The following SVIL variants were observed in gnomAD, a reference collection of about 807,000 sequenced individuals.
SVIL encodes the protein archvillin.
In SVIL, 101 loss-of-function variants were observed where a neutral mutation model predicts 240.4. That is an observed-to-expected ratio of 0.42 (90% confidence interval 0.36 to 0.50). The LOEUF (loss-of-function observed/expected upper bound fraction) is 0.50. Ranked by LOEUF, SVIL falls within the 20% of genes least tolerant of loss-of-function variation. SVIL has a pLI of 0.01. For synonymous variants in SVIL, 999 were observed against 1,100.0 expected, an observed-to-expected ratio of 0.91 and a Z score of 1.82; for missense variants, 2,512 against 2,818.7, an observed-to-expected ratio of 0.89 and a Z score of 2.46.
At chr10:29,642,448 A>C (rs1187454323) in intron 3 of SVIL, among the ~76,000 whole-genome samples, 1 of 124,930 alleles carries the variant, frequency 8.0e-6, no homozygotes, top group Non-Finnish European at 1.6e-5. Context: ...AGAAAGAAAG[A>C]AAGAAAGAAA....
chr10:29,690,394 C>CT lies in SVIL; in HGVS notation c.-399-3744dup, dbSNP rs552046032. Among the ~76,000 whole-genome samples, 718 of 151,902 alleles carry CT rather than the reference C, an allele frequency of 4.7e-3. 9 individuals are homozygous for CT. The highest frequency in any genetic ancestry group is 0.016 in the African/African-American group (670 of 41,432). On this transcript the variant is annotated intron_variant, in intron 1 of 35. Transcript: ENST00000375400. ...TTTAAGTGGATTGACCTTAAATGGC[C>CT]TTTTTTCTGGTTCTCATTATCCTTG...
intron 1 of SVIL, among the ~76,000 whole-genome samples, chr10:29,605,747 A>T (rs965786162): frequency 1.4e-5 from 2 of 147,576 alleles, no homozygotes; most frequent in African/African-American, 4.9e-5. Flanking sequence ...CATAATATAT[A>T]TTTTATATAA....
At chr10:29,536,823 G>T (rs1354503492) in intron 6 of SVIL, among the ~76,000 whole-genome samples, 3 of 150,094 alleles carry the variant, frequency 2.0e-5, no homozygotes, top group African/African-American at 7.4e-5. Flanking sequence ...AGGCAGGAGA[G>T]TTGCTGGAAC....
intron 1 of SVIL, among the ~76,000 whole-genome samples, chr10:29,705,281 T>G (rs1962807003): frequency 6.6e-6 from 1 of 151,984 alleles, no homozygotes; most frequent in South Asian, 2.1e-4. Context: ...GAATAATGGA[T>G]CCCCAAAAGA....
intron 18 of SVIL, among the ~76,000 whole-genome samples, chr10:29,495,640 C>T (rs6481606): frequency 0.54 from 81,775 of 152,046 alleles, 23,113 homozygotes; most frequent in African/African-American, 0.7. Flanking sequence ...GGACATGACA[C>T]AGACAGTAAC....
At position 29,465,695 on chromosome 10, in the gene SVIL, C is replaced by T. The variant is rs1944830815; in HGVS notation, c.6033G>A (p.Gly2011=). 6.2e-7 allele frequency: 1 copy of T among 1,613,262 alleles called. No homozygotes were observed. Among genetic ancestry groups the T allele is most frequent in the Non-Finnish European group, 8.5e-7 (1 of 1,179,968 alleles). The change falls in exon 34 of 38, where the codon GGG becomes GGA. Residue 2011 remains glycine, a synonymous_variant. Transcript: ENST00000355867. ...ACACAAACTCTGTGGCTGCAAAATC[C>T]CCAGAGGAGCTGCTGAGGATGAACA... ...PRLFILSSSS[G]DFAATEFVYP...
intron 1 of SVIL, among the ~76,000 whole-genome samples, chr10:29,729,453 GTGTGTGTGTGTGTGTGTGTGTGT>G (rs1964477332): frequency 5.0e-5 from 1 of 20,064 alleles, no homozygotes; most frequent in African/African-American, 7.3e-5. Context: ...TTATGGAGGT[GTGTGTGTGTGTGTGTGTGTGTGT>G]GTGTGTGTGT....
intron 2 of SVIL, among the ~76,000 whole-genome samples, chr10:29,676,377 A>AGTGTGTGT (rs112042524): frequency 3.2e-4 from 48 of 151,344 alleles, no homozygotes; most frequent in African/African-American, 1.1e-3. Context: ...GAAAAAAAAG[A>AGTGTGTGT]GTGTGTGTGT....
rs536660987 is a variant in SVIL, at chr10:29,469,848, C to A, written c.5843+428G>T. 1.0e-3 allele frequency among the ~76,000 whole-genome samples: 157 copies of A among 152,220 alleles called. 1 individual carries two copies. Among genetic ancestry groups the A allele is most frequent in the Middle Eastern group, 3.2e-3 (1 of 316 alleles). On this transcript the variant is annotated intron_variant, in intron 32 of 37. Coordinates refer to ENST00000355867, the MANE Select transcript of SVIL (RefSeq NM_021738.3). ...ATGGGGGATATCTTATCGTCTGACA[C>A]AGATGGCGGTTTCCCACACTCTTCT...
At chr10:29,566,600 A>G (rs12767247) in intron 2 of SVIL, among the ~76,000 whole-genome samples, 10,085 of 152,290 alleles carry the variant, frequency 0.066, 391 homozygotes, top group Admixed American at 0.12. Flanking sequence ...CCGATCATCA[A>G]TGAAAACACA....
chr10:29,478,798 G>A (rs1946489781), intron 29 of SVIL, among the ~76,000 whole-genome samples: 1 of 151,546 alleles, frequency 6.6e-6, no homozygotes, highest in Non-Finnish European at 1.5e-5. Flanking sequence ...GGTGGCATAT[G>A]CCTGTAGTCC....
intron 2 of SVIL, among the ~76,000 whole-genome samples, chr10:29,676,581 G>C (rs759674845): frequency 1.7e-4 from 26 of 152,146 alleles, no homozygotes; most frequent in African/African-American, 5.8e-4. Context: ...CTTGTCAAAG[G>C]TAAGTACAAA....
chr10:29,533,078 T>C lies in SVIL; in HGVS notation c.1289A>G (p.Glu430Gly). ...TTCTTCTCCTTCTCCTTCCCCTTCT[T>C]CTTCTTCTGCTTTTGACTCGCAGAC... ...LHVCESKAEE[E>G]EGEGEGEEKE... The change falls in exon 8 of 38, where the codon GAA (glutamate) becomes GGA (glycine). Residue 430 changes from glutamate (E) to glycine (G), a missense_variant. By Grantham distance (98) the Glu-to-Gly change is moderately conservative (BLOSUM62 -2). This residue lies in a region of SVIL where 1,443 missense variants were observed against 1,486.6 expected (regional missense o/e 0.97). Coordinates refer to ENST00000355867, the MANE Select transcript of SVIL (RefSeq NM_021738.3). 1.2e-6 allele frequency: 2 copies of C among 1,613,924 alleles called. No homozygotes were observed. Among genetic ancestry groups the C allele is most frequent in the Non-Finnish European group, 1.7e-6 (2 of 1,179,884 alleles).
At chr10:29,618,874 C>A (rs1216352714) in intron 1 of SVIL, among the ~76,000 whole-genome samples, 2 of 152,140 alleles carry the variant, frequency 1.3e-5, no homozygotes, top group South Asian at 4.1e-4. Context: ...GCATAGGCCA[C>A]CGTAGACAGC....
intron 1 of SVIL, among the ~76,000 whole-genome samples, chr10:29,690,558 A>G (rs1035590128): frequency 3.3e-5 from 5 of 152,150 alleles, no homozygotes; most frequent in African/African-American, 4.8e-5. Flanking sequence ...CAATACTAGA[A>G]GGCCCTATGT....
At chr10:29,550,499 C>A in intron 6 of SVIL, 98 bp downstream of exon 6, 1 of 1,301,978 alleles carries the variant, frequency 7.7e-7, no homozygotes, top group East Asian at 2.5e-5. Flanking sequence ...GCCTTGACTT[C>A]CACATAATGC....
chr10:29,620,567 G>A (rs1210219450), intron 1 of SVIL, among the ~76,000 whole-genome samples: 2 of 152,226 alleles, frequency 1.3e-5, no homozygotes, highest in Non-Finnish European at 2.9e-5. Context: ...AATTCAACTT[G>A]TGTATTCATC....
intron 1 of SVIL, among the ~76,000 whole-genome samples, chr10:29,715,335 T>C (rs1212780949): frequency 6.6e-6 from 1 of 152,228 alleles, no homozygotes; most frequent in African/African-American, 2.4e-5. Flanking sequence ...TTAATTGAGA[T>C]GGATTTTTGA....
intron 3 of SVIL, among the ~76,000 whole-genome samples, chr10:29,647,503 G>A (rs140205184): frequency 2.2e-3 from 328 of 152,200 alleles, no homozygotes; most frequent in Admixed American, 3.5e-3. Context: ...AAACGTATCC[G>A]AATGAAAGTG....
Sources: allele counts gnomAD v4.1 joint callset (sites outside exome capture counted in the v4.1 genomes callset), GRCh38; gene constraint gnomAD v4.1.1; regional missense constraint gnomAD v4.1.1; transcripts MANE v1.5; gene names NCBI Gene and HGNC (gene_info 2026-07-23, HGNC 2026-07-21).